The following SAMD12 variants were observed in gnomAD, a reference collection of about 807,000 sequenced individuals.
SAMD12 encodes sterile alpha motif domain-containing protein 12.
A neutral mutation model predicts 15.0 loss-of-function variants in SAMD12; 9 were observed. The observed-to-expected ratio is 0.60, with a 90% confidence interval of 0.36 to 1.05. The LOEUF is 1.05. SAMD12 is among the 50% of genes least tolerant of loss of function. SAMD12 has a pLI of 0.01. For synonymous variants in SAMD12, 86 were observed against 90.1 expected (o/e 0.96, Z 0.25); for missense variants, 230 against 234.2 (o/e 0.98, Z 0.12).
intron 2 of SAMD12, among the ~76,000 whole-genome samples, chr8:118,547,065 T>G (rs1826151095): frequency 6.6e-6 from 1 of 152,118 alleles, no homozygotes; most frequent in African/African-American, 2.4e-5. Flanking sequence ...AGTAAAGAAA[T>G]AGAAGCTCCA....
At chr8:118,265,927 T>C (rs1410746847) in intron 4 of SAMD12, among the ~76,000 whole-genome samples, 2 of 152,100 alleles carry the variant, frequency 1.3e-5, no homozygotes, top group African/African-American at 2.4e-5. Flanking sequence ...GGTACATGAA[T>C]ATCACCTTTT....
At chr8:118,392,650 A>G (rs1820346990) in intron 3 of SAMD12, among the ~76,000 whole-genome samples, 1 of 152,234 alleles carries the variant, frequency 6.6e-6, no homozygotes, top group Non-Finnish European at 1.5e-5. Flanking sequence ...AACTCTATTT[A>G]TCACATGTCA....
intron 2 of SAMD12, among the ~76,000 whole-genome samples, chr8:118,483,935 T>C (rs910858969): frequency 6.6e-6 from 1 of 152,206 alleles, no homozygotes; most frequent in Non-Finnish European, 1.5e-5. Context: ...GCGCCAACTC[T>C]ATGTTAAGTA....
intron 2 of SAMD12, among the ~76,000 whole-genome samples, chr8:118,536,249 A>C (rs1825837871): frequency 6.6e-6 from 1 of 152,014 alleles, no homozygotes; most frequent in Admixed American, 6.6e-5. Context: ...TTTCCCTTAC[A>C]GCTTTCCTCC....
chr8:118,461,886 T>G (rs1449838812), intron 2 of SAMD12, among the ~76,000 whole-genome samples: 1 of 152,178 alleles, frequency 6.6e-6, no homozygotes, highest in Non-Finnish European at 1.5e-5. Context: ...TTCTAAAAGT[T>G]TATAATGTGC....
intron 4 of SAMD12, among the ~76,000 whole-genome samples, chr8:118,205,586 T>C (rs1450493547): frequency 1.3e-5 from 2 of 152,194 alleles, no homozygotes; most frequent in Non-Finnish European, 2.9e-5. Flanking sequence ...ATTCCAGAAA[T>C]GTTAAGCGAG....
intron 2 of SAMD12, among the ~76,000 whole-genome samples, chr8:118,478,035 ATT>A (rs1420049725): frequency 6.9e-6 from 1 of 144,750 alleles, no homozygotes; most frequent in Non-Finnish European, 1.5e-5. Flanking sequence ...AAAAAAAAGA[ATT>A]ATATATATTC....
chr8:118,505,200 A>G (rs1006198463), intron 2 of SAMD12, among the ~76,000 whole-genome samples: 2 of 152,160 alleles, frequency 1.3e-5, no homozygotes, highest in Admixed American at 1.3e-4. Flanking sequence ...GGAATCTGAG[A>G]TTGGGTTTTC....
intron 2 of SAMD12, among the ~76,000 whole-genome samples, chr8:118,482,164 C>T (rs932585499): frequency 2.6e-5 from 4 of 152,040 alleles, no homozygotes; most frequent in African/African-American, 4.8e-5. Flanking sequence ...CAATAGGTGC[C>T]GAATCCTATA....
intron 2 of SAMD12, among the ~76,000 whole-genome samples, chr8:118,461,762 CATT>C (rs1563874722): frequency 6.6e-6 from 1 of 152,166 alleles, no homozygotes; most frequent in African/African-American, 2.4e-5. Flanking sequence ...GAAAAACAAT[CATT>C]GAGTTTTCAC....
chr8:118,544,153 G>C (rs1396030593), intron 2 of SAMD12, among the ~76,000 whole-genome samples: 1 of 151,960 alleles, frequency 6.6e-6, no homozygotes, highest in Non-Finnish European at 1.5e-5. Context: ...ACCTTTTCCT[G>C]GTCACATATT....
the SAMD12 span, among the ~76,000 whole-genome samples, chr8:118,145,641 G>A: frequency 6.6e-6 from 1 of 152,182 alleles, no homozygotes; most frequent in Non-Finnish European, 1.5e-5. Flanking sequence ...AGCCGTGAAC[G>A]TGAAAGGGTG....
chr8:118,348,328 C>T (rs536006955), intron 4 of SAMD12, among the ~76,000 whole-genome samples: 10 of 152,072 alleles, frequency 6.6e-5, no homozygotes, highest in African/African-American at 2.4e-4. Flanking sequence ...CTCGGCCTCC[C>T]AAAGTGTTGG....
intron 2 of SAMD12, among the ~76,000 whole-genome samples, chr8:118,553,704 C>T (rs1826424482): frequency 6.6e-6 from 1 of 151,462 alleles, no homozygotes; most frequent in Non-Finnish European, 1.5e-5. Flanking sequence ...AACTAAAGAG[C>T]TTCTGCACAG....
rs202200197 is a variant in SAMD12 at position 118,287,122 on chromosome 8, A to ATTT, written c.434-89393_434-89391dup. Among the ~76,000 whole-genome samples, 567 of 132,796 alleles carry ATTT rather than the reference A, an allele frequency of 4.3e-3. 8 individuals carry two copies. Among genetic ancestry groups the ATTT allele is most frequent in the African/African-American group, 0.016 (536 of 32,740 alleles). The allele number at this position is 132,796 out of a possible 152,430, so 87.1% of individuals were successfully genotyped here. A position where few individuals can be genotyped will look rare whatever the true frequency, so the allele number is the denominator to read the frequency against. The stretch of plus-strand genomic sequence containing the variant: ...AACAAGAAACTGAGTAAGGAAGAAT[A>ATTT]TTTTTTTTTTTTTTTTTTTTGAGAC... On this transcript the variant is annotated intron_variant, in intron 4 of 4. Transcript: ENST00000409003.
intron 2 of SAMD12, among the ~76,000 whole-genome samples, chr8:118,512,895 G>T (rs554755760): frequency 4.0e-4 from 61 of 152,240 alleles, no homozygotes; most frequent in African/African-American, 1.4e-3. Flanking sequence ...CAGTTTTAAT[G>T]ATTCCTCTTC....
At chr8:118,326,175 C>T (rs1301140997) in intron 4 of SAMD12, among the ~76,000 whole-genome samples, 1 of 152,134 alleles carries the variant, frequency 6.6e-6, no homozygotes, top group Non-Finnish European at 1.5e-5. Context: ...TGAATTATTG[C>T]TAGAGGATGG....
chr8:118,320,674 G>GC (rs537054302), intron 4 of SAMD12, among the ~76,000 whole-genome samples: 3 of 148,112 alleles, frequency 2.0e-5, no homozygotes, highest in African/African-American at 7.5e-5. Flanking sequence ...TCGTGGGGTG[G>GC]GGGGGGTGGG....
intron 4 of SAMD12, among the ~76,000 whole-genome samples, chr8:118,271,015 T>G (rs1039302855): frequency 6.6e-6 from 1 of 152,182 alleles, no homozygotes; most frequent in African/African-American, 2.4e-5. Context: ...GAAGTTATTA[T>G]GTCTCTTCTT....
Sources: allele counts gnomAD v4.1 joint callset (sites outside exome capture counted in the v4.1 genomes callset), GRCh38; gene constraint gnomAD v4.1.1; transcripts MANE v1.5; gene names NCBI Gene and HGNC (gene_info 2026-07-23, HGNC 2026-07-21).